PTPRT: variants seen among roughly 807,000 people sequenced by gnomAD.
PTPRT encodes protein tyrosine phosphatase receptor type T.
PTPRT carries 56 observed loss-of-function variants against 176.8 expected under a neutral mutation model. The observed-to-expected ratio is 0.32, with a 90% CI of 0.26 to 0.40. The LOEUF (loss-of-function observed/expected upper bound fraction) is 0.40, where lower values mean the gene tolerates loss of function less well. Ranked by LOEUF, PTPRT falls within the 10% of genes least tolerant of loss-of-function variation. The pLI, the probability that PTPRT is intolerant of heterozygous loss-of-function variation, is 1.00. For synonymous variants in PTPRT, 783 were observed against 739.0 expected, an observed-to-expected ratio of 1.06 and a Z score of -0.96; for missense variants, 1,540 against 1,908.2, an observed-to-expected ratio of 0.81 and a Z score of 3.60.
intron 7 of PTPRT, among the ~76,000 whole-genome samples, chr20:42,589,028 C>T (rs946778631): frequency 6.6e-6 from 1 of 152,176 alleles, no homozygotes; most frequent in African/African-American, 2.4e-5. Flanking sequence ...GAGGAAATGA[C>T]ACATTCATTA....
intron 9 of PTPRT, among the ~76,000 whole-genome samples, chr20:42,438,129 C>T (rs62203500): frequency 2.6e-5 from 4 of 152,268 alleles, no homozygotes; most frequent in South Asian, 4.1e-4. Context: ...TGGGTGCACA[C>T]GCAGTGCAGC....
chr20:42,338,191 C>T (rs1204968922), intron 11 of PTPRT, among the ~76,000 whole-genome samples: 1 of 152,216 alleles, frequency 6.6e-6, no homozygotes, highest in Admixed American at 6.5e-5. Context: ...TAATTTTAAT[C>T]ATGGGAGCAT....
chr20:42,771,690 C>T, intron 4 of PTPRT, 140 bp from the exon 5 acceptor site: 1 of 665,930 alleles, frequency 1.5e-6, no homozygotes, highest in Non-Finnish European at 2.7e-6. Context: ...GTCAAGATTT[C>T]ATTGATCACT....
At chr20:42,476,758 T>C (rs973413997) in intron 7 of PTPRT, among the ~76,000 whole-genome samples, 1 of 152,178 alleles carries the variant, frequency 6.6e-6, no homozygotes, top group African/African-American at 2.4e-5. Context: ...GTAGCAACTC[T>C]GGGCTAGGAG....
chr20:42,476,293 G>A (rs2071287957), intron 7 of PTPRT, among the ~76,000 whole-genome samples: 1 of 152,168 alleles, frequency 6.6e-6, no homozygotes, highest in Admixed American at 6.5e-5. Context: ...AAACCCACTG[G>A]GGGCTTGGAT....
intron 9 of PTPRT, among the ~76,000 whole-genome samples, chr20:42,353,609 G>A (rs2058317951): frequency 1.3e-5 from 2 of 152,208 alleles, no homozygotes; most frequent in African/African-American, 4.8e-5. Flanking sequence ...CTCAACTTCT[G>A]CACTTGCCCA....
At chr20:42,199,014 C>T (rs549030964) in intron 16 of PTPRT, among the ~76,000 whole-genome samples, 25 of 152,314 alleles carry the variant, frequency 1.6e-4, no homozygotes, top group Admixed American at 9.8e-4. Flanking sequence ...GGATGACTTG[C>T]TCCCATTTCC....
chr20:42,882,503 T>C (rs540910876), intron 2 of PTPRT, among the ~76,000 whole-genome samples: 11 of 152,346 alleles, frequency 7.2e-5, no homozygotes, highest in African/African-American at 2.4e-4. Context: ...AACTTGGTTT[T>C]CTGATCCGTA....
In PTPRT at chr20:42,244,730, C is replaced by CGA. The variant is rs1327858748; in HGVS notation, c.2312+3956_2312+3957insTC. Among the ~76,000 whole-genome samples the CGA allele has an allele frequency of 2.6e-5, 4 of 152,308 alleles. No individual in the cohort carries two copies. In the East Asian group the frequency reaches 7.7e-4, roughly 29 times the overall value. On this transcript the variant is annotated intron_variant, in intron 14 of 30. Transcript: ENST00000373187. Reference sequence around the variant, plus strand: ...GCTATATGAAACTTGTGTGCGCATACATATAATTTCACGCTCCACAAACAA... The same window carrying CGA: ...GCTATATGAAACTTGTGTGCGCATACGAATATAATTTCACGCTCCACAAACAA...
intron 1 of PTPRT, among the ~76,000 whole-genome samples, chr20:43,080,778 C>T (rs1311800405): frequency 2.0e-5 from 3 of 152,216 alleles, no homozygotes; most frequent in African/African-American, 7.2e-5. Flanking sequence ...GAGATTCTCA[C>T]ATTCTTTATT....
intron 1 of PTPRT, among the ~76,000 whole-genome samples, chr20:43,181,666 C>G (rs2015262295): frequency 6.6e-6 from 1 of 152,148 alleles, no homozygotes; most frequent in Non-Finnish European, 1.5e-5. Flanking sequence ...TCTTTCTTTT[C>G]TATCCCTAAT....
intron 2 of PTPRT, among the ~76,000 whole-genome samples, chr20:42,829,453 C>T (rs1046192223): frequency 2.0e-4 from 30 of 152,142 alleles, no homozygotes; most frequent in African/African-American, 6.3e-4. Context: ...ATTGGCCAGG[C>T]GCAGTGGCTC....
intron 9 of PTPRT, among the ~76,000 whole-genome samples, chr20:42,354,032 TGA>T (rs992944555): frequency 6.6e-6 from 1 of 151,636 alleles, no homozygotes; most frequent in African/African-American, 2.4e-5. Flanking sequence ...TTAGCCTGGG[TGA>T]GAGAGAGAGA....
chr20:42,270,688 C>A (rs186465150), intron 13 of PTPRT, among the ~76,000 whole-genome samples: 8 of 152,334 alleles, frequency 5.3e-5, no homozygotes, highest in Admixed American at 2.6e-4. Flanking sequence ...ATGCCAGGTA[C>A]TTTTCTGGGT....
At chr20:42,540,013 G>A (rs2072549895) in intron 7 of PTPRT, among the ~76,000 whole-genome samples, 1 of 152,182 alleles carries the variant, frequency 6.6e-6, no homozygotes, top group East Asian at 1.9e-4. Context: ...AAATTCCCTA[G>A]ATGTGAAGAA....
At chr20:42,215,919 T>C (rs528256002) in intron 15 of PTPRT, among the ~76,000 whole-genome samples, 1 of 152,218 alleles carries the variant, frequency 6.6e-6, no homozygotes. Flanking sequence ...AGCTGAACTC[T>C]GTCTCCTGAA....
chr20:42,186,688 G>A (rs148526133), intron 16 of PTPRT, among the ~76,000 whole-genome samples: 37 of 152,152 alleles, frequency 2.4e-4, no homozygotes, highest in African/African-American at 6.5e-4. Context: ...GTGGTACAAC[G>A]TGTTTAGATT....
At position 42,252,026 on chromosome 20, in the gene PTPRT, G is replaced by T. The variant is rs549391140; in HGVS notation, c.2177-3204C>A. ...CAGATGGGAGTTGATAGTTGCTTAG[G>T]CTCAGGTGATGACAGTGAAGATAGG... On this transcript the variant is annotated intron_variant, in intron 13 of 30. Coordinates refer to ENST00000373187, the MANE Select transcript of PTPRT (RefSeq NM_007050.6). 2.6e-4 allele frequency among the ~76,000 whole-genome samples: 40 copies of T among 152,290 alleles called. 1 individual carries two copies. The highest frequency in any genetic ancestry group is 8.7e-4 in the African/African-American group (36 of 41,570).
At chr20:42,184,592 T>TTCTTCTTCTTCTTCTTCTTCTTCTTCC (rs1283757363) in intron 16 of PTPRT, among the ~76,000 whole-genome samples, 1 of 141,516 alleles carries the variant, frequency 7.1e-6, no homozygotes, top group Non-Finnish European at 1.5e-5. Flanking sequence ...CTTCTTCTTC[T>TTCTTCTTCTTCTTCTTCTTCTTCTTCC]TCCTCTTCTT....
Sources: allele counts gnomAD v4.1 joint callset (sites outside exome capture counted in the v4.1 genomes callset), GRCh38; gene constraint gnomAD v4.1.1; transcripts MANE v1.5; gene names NCBI Gene and HGNC (gene_info 2026-07-23, HGNC 2026-07-21).